PDZRN3: variants seen among roughly 807,000 people sequenced by gnomAD.
The protein encoded by PDZRN3 is E3 ubiquitin-protein ligase PDZRN3.
PDZRN3 carries 38 observed loss-of-function variants against 85.7 expected under a neutral mutation model. The observed-to-expected ratio is 0.44, with a 90% CI of 0.34 to 0.58. The LOEUF is 0.58. PDZRN3 is among the 20% of genes least tolerant of loss of function. The probability of loss-of-function intolerance (pLI) is 0.01; values close to 1 mark genes in which losing one functional copy is unlikely to be tolerated. For missense variants in PDZRN3, 1,629 were observed against 1,506.4 expected, an observed-to-expected ratio of 1.08 and a Z score of -1.35; for synonymous variants, 759 against 638.0, an observed-to-expected ratio of 1.19 and a Z score of -2.86.
At chr3:73,415,803 C>CGTAA in intron 3 of PDZRN3, among the ~76,000 whole-genome samples, 1 of 152,132 alleles carries the variant, frequency 6.6e-6, no homozygotes, top group East Asian at 1.9e-4. Context: ...GTAACTCCAT[C>CGTAA]GTAAGTTAAG....
intron 5 of PDZRN3, among the ~76,000 whole-genome samples, chr3:73,398,491 T>C (rs867372947): frequency 2.0e-5 from 3 of 152,208 alleles, no homozygotes; most frequent in Non-Finnish European, 4.4e-5. Context: ...GGGCCAAGTT[T>C]CTGTAGTTCC....
At chr3:73,447,594 C>T (rs1702776212) in intron 3 of PDZRN3, among the ~76,000 whole-genome samples, 1 of 152,186 alleles carries the variant, frequency 6.6e-6, no homozygotes, top group African/African-American at 2.4e-5. Flanking sequence ...TAATGACCTC[C>T]CAATTGCCGC....
At position 73,385,396 on chromosome 3, in the gene PDZRN3, T is replaced by C. The variant is rs531374780; in HGVS notation, c.1635+273A>G. ...AAACATGGCTTTTTGCAATCTATGG[T>C]AATGCCAACGCATATGTTTTCCAAA... On this transcript the variant is annotated intron_variant, in intron 9 of 9. Coordinates refer to ENST00000263666, the MANE Select transcript of PDZRN3 (RefSeq NM_015009.3). Among the ~76,000 whole-genome samples the C allele has an allele frequency of 3.3e-5, 5 of 152,356 alleles. No individual in the cohort carries two copies. The South Asian group carries it at 8.3e-4, about 25-fold the overall frequency.
rs1011863457 is a variant in PDZRN3, at chr3:73,519,311, G to A, written c.918+83043C>T. The stretch of plus-strand genomic sequence containing the variant: ...AAAAACAGCAAGCTGTGGAACAGGA[G>A]GTTCAGTATGATGTGATTCATGGTA... On this transcript the variant is annotated intron_variant, in intron 3 of 9. Coordinates refer to ENST00000263666, the MANE Select transcript of PDZRN3 (RefSeq NM_015009.3). Among the ~76,000 whole-genome samples, 7 of 152,214 alleles carry A rather than the reference G, an allele frequency of 4.6e-5. No individual in the cohort carries two copies. In the South Asian group the frequency reaches 6.2e-4, roughly 14 times the overall value.
intron 3 of PDZRN3, among the ~76,000 whole-genome samples, chr3:73,595,384 A>G (rs1162585171): frequency 6.6e-6 from 1 of 152,182 alleles, no homozygotes; most frequent in Non-Finnish European, 1.5e-5. Context: ...AATATGGTAA[A>G]TGGGGATCAG....
chr3:73,576,801 T>G (rs1163782064), intron 3 of PDZRN3, among the ~76,000 whole-genome samples: 1 of 152,198 alleles, frequency 6.6e-6, no homozygotes, highest in Non-Finnish European at 1.5e-5. Flanking sequence ...TGTGTTACTA[T>G]ACATTTAGAG....
intron 3 of PDZRN3, among the ~76,000 whole-genome samples, chr3:73,499,595 ACTATT>A (rs777008996): frequency 2.2e-4 from 33 of 152,318 alleles, no homozygotes; most frequent in Admixed American, 5.2e-4. Flanking sequence ...TAATTCTGAA[ACTATT>A]CTAGTCAATC....
At chr3:73,594,948 T>C (rs1702412138) in intron 3 of PDZRN3, among the ~76,000 whole-genome samples, 2 of 152,156 alleles carry the variant, frequency 1.3e-5, no homozygotes, top group South Asian at 2.1e-4. Context: ...AGTGAGTCTA[T>C]CCAGAGATAG....
At chr3:73,618,368 ATTCTT>A (rs1162419250) in intron 1 of PDZRN3, among the ~76,000 whole-genome samples, 1 of 152,180 alleles carries the variant, frequency 6.6e-6, no homozygotes, top group African/African-American at 2.4e-5. Flanking sequence ...CCAGGAAAAA[ATTCTT>A]TTCTTATTTT....
At chr3:73,517,601 C>T (rs534948370) in intron 3 of PDZRN3, among the ~76,000 whole-genome samples, 1 of 152,286 alleles carries the variant, frequency 6.6e-6, no homozygotes, top group African/African-American at 2.4e-5. Context: ...GAGGAAACTA[C>T]AGGATATTTG....
intron 4 of PDZRN3, chr3:73,402,634 C>CT (rs1484117452): frequency 6.6e-6 from 1 of 152,276 alleles, no homozygotes; most frequent in Non-Finnish European, 1.5e-5. Context: ...TCTGTCAAGC[C>CT]TGGGGAATTA....
At position 73,622,912 on chromosome 3, in the gene PDZRN3, C is replaced by T. The variant is rs551043901; in HGVS notation, c.723+1191G>A. ...AGGAGCAACATGATAGTTTATAGAACGTGGGCTGGAAAGATGGGCACGCAA... is the reference window on the plus strand; with the variant it reads ...AGGAGCAACATGATAGTTTATAGAATGTGGGCTGGAAAGATGGGCACGCAA... On this transcript the variant is annotated intron_variant, in intron 1 of 9. Transcript: ENST00000263666. Among the ~76,000 whole-genome samples the T allele has an allele frequency of 3.9e-5, 6 of 152,186 alleles. No individual in the cohort carries two copies. In the East Asian group the frequency reaches 7.7e-4, roughly 20 times the overall value.
At chr3:73,512,598 T>G (rs1704187408) in intron 3 of PDZRN3, among the ~76,000 whole-genome samples, 1 of 152,108 alleles carries the variant, frequency 6.6e-6, no homozygotes, top group African/African-American at 2.4e-5. Context: ...TTGCACTTGT[T>G]GTCTAAAAAA....
At chr3:73,400,114 GGT>G (rs1701719341) in intron 5 of PDZRN3, among the ~76,000 whole-genome samples, 1 of 152,030 alleles carries the variant, frequency 6.6e-6, no homozygotes, top group African/African-American at 2.4e-5. Context: ...ACCTTTTGAT[GGT>G]ACCCAAGGGC....
intron 3 of PDZRN3, among the ~76,000 whole-genome samples, chr3:73,601,669 CAG>C (rs1702517267): frequency 6.6e-6 from 1 of 152,158 alleles, no homozygotes; most frequent in African/African-American, 2.4e-5. Flanking sequence ...TTTAGTGACT[CAG>C]AGCATCCTAG....
chr3:73,428,439 C>CT (rs1277643150), intron 3 of PDZRN3, among the ~76,000 whole-genome samples: 3 of 152,212 alleles, frequency 2.0e-5, no homozygotes, highest in Non-Finnish European at 2.9e-5. Context: ...CAAAATCCAA[C>CT]TTATTCAACC....
intron 3 of PDZRN3, among the ~76,000 whole-genome samples, chr3:73,583,834 T>G (rs1369687496): frequency 2.6e-5 from 4 of 152,186 alleles, no homozygotes; most frequent in Admixed American, 6.5e-5. Context: ...ACCAGCTTAT[T>G]AAACCTACTA....
intron 3 of PDZRN3, among the ~76,000 whole-genome samples, chr3:73,532,720 C>T (rs1028018921): frequency 7.9e-5 from 12 of 152,144 alleles, no homozygotes; most frequent in African/African-American, 1.4e-4. Context: ...AAGATGACCT[C>T]GCAGAAAGAG....
At position 73,610,936 on chromosome 3, in the gene PDZRN3, T is replaced by C. The variant is rs12053866; in HGVS notation, c.724-2252A>G. Among the ~76,000 whole-genome samples the C allele has an allele frequency of 1.2e-3, 184 of 152,350 alleles. 1 individual carries two copies. The East Asian group carries it at 0.023, about 19-fold the overall frequency. On this transcript the variant is annotated intron_variant, in intron 1 of 9. Transcript: ENST00000263666. ...CAATAAAATGCTTTATTTCATTTTT[T>C]AATCCAACCAATCTTAAAAATTGCA...
Sources: gnomAD v4.1 joint callset for allele counts (sites outside exome capture counted in the v4.1 genomes callset) on GRCh38, gnomAD v4.1.1 for gene constraint, MANE v1.5 for transcripts, NCBI Gene and HGNC (gene_info 2026-07-23, HGNC 2026-07-21) for gene names.